Variants in ARSG observed in about 807,000 individuals in gnomAD.
ARSG encodes the protein ASG.
ARSG carries 37 observed loss-of-function variants against 50.5 expected under a neutral mutation model. The ratio of observed to expected loss-of-function variants is 0.73; its 90% CI spans 0.56 to 0.96. The LOEUF is 0.96. ARSG is among the 50% of genes least tolerant of loss of function. The pLI, the probability that ARSG is intolerant of heterozygous loss-of-function variation, is 0.00. For synonymous variants in ARSG, 225 were observed against 254.6 expected (o/e 0.88, Z 1.11); for missense variants, 629 against 675.3 (o/e 0.93, Z 0.76).
chr17:68,372,553 C>T (rs1174060877), intron 8 of ARSG, among the ~76,000 whole-genome samples: 1 of 152,162 alleles, frequency 6.6e-6, no homozygotes, highest in East Asian at 1.9e-4. Context: ...CACTTTTAAA[C>T]AGCCAAGGCT....
chr17:68,375,589 G>A (rs547811954), intron 8 of ARSG, among the ~76,000 whole-genome samples: 29 of 152,192 alleles, frequency 1.9e-4, no homozygotes, highest in Non-Finnish European at 3.5e-4. Flanking sequence ...CAATTCCTTG[G>A]TCACACCAGC....
At chr17:68,259,409 C>T (rs1555744830) in exon 1 of ARSG, 1 of 152,182 alleles carries the variant, frequency 6.6e-6, no homozygotes, top group African/African-American at 2.4e-5. Context: ...AAGTCAGGAC[C>T]GCGACGGCAG....
chr17:68,337,139 G>A, intron 2 of ARSG, among the ~76,000 whole-genome samples: 1 of 152,174 alleles, frequency 6.6e-6, no homozygotes, highest in East Asian at 1.9e-4. Context: ...GGATGGTGGT[G>A]GCACTGCTCC....
chr17:68,377,696 C>T (rs914399054), intron 8 of ARSG, among the ~76,000 whole-genome samples: 4 of 152,188 alleles, frequency 2.6e-5, no homozygotes, highest in Non-Finnish European at 4.4e-5. Flanking sequence ...AGGGGATTGG[C>T]AAACACCCTG....
At chr17:68,303,642 G>A (rs1436976620) in intron 1 of ARSG, among the ~76,000 whole-genome samples, 1 of 152,012 alleles carries the variant, frequency 6.6e-6, no homozygotes, top group African/African-American at 2.4e-5. Context: ...TAGAGATGGG[G>A]CTTCACCATG....
chr17:68,388,452 T>C (rs1952874575), intron 9 of ARSG, among the ~76,000 whole-genome samples: 1 of 152,128 alleles, frequency 6.6e-6, no homozygotes, highest in South Asian at 2.1e-4. Flanking sequence ...TCACTCTGGC[T>C]GAGAACTACG....
At chr17:68,330,976 T>C (rs1206909358) in intron 2 of ARSG, among the ~76,000 whole-genome samples, 1 of 14,634 alleles carries the variant, frequency 6.8e-5, no homozygotes, top group Admixed American at 4.1e-4. Flanking sequence ...TCTTTTTTTT[T>C]GCGGGGGGGG....
intron 4 of ARSG, among the ~76,000 whole-genome samples, chr17:68,350,065 C>T (rs1003182603): frequency 3.3e-5 from 5 of 152,060 alleles, no homozygotes; most frequent in Non-Finnish European, 5.9e-5. Flanking sequence ...CTGTGGCAGG[C>T]GGGATGCAGT....
chr17:68,401,888 ACTAT>A (rs1021546962), intron 11 of ARSG, among the ~76,000 whole-genome samples: 24 of 152,160 alleles, frequency 1.6e-4, no homozygotes, highest in African/African-American at 5.3e-4. Context: ...GTTCACTGTG[ACTAT>A]CTGTCTCTTA....
At chr17:68,388,944 A>C (rs200420566) in intron 9 of ARSG, among the ~76,000 whole-genome samples, 1 of 146,148 alleles carries the variant, frequency 6.8e-6, no homozygotes, top group African/African-American at 2.7e-5. Context: ...AAAAAAAAAA[A>C]AGAAAAACAG....
intron 11 of ARSG, among the ~76,000 whole-genome samples, chr17:68,404,282 A>G (rs888437985): frequency 2.0e-5 from 3 of 152,250 alleles, no homozygotes; most frequent in Non-Finnish European, 4.4e-5. Context: ...AGGAATCGCC[A>G]CACTGTCTTC....
At position 68,379,421 on chromosome 17, in the gene ARSG, AT is replaced by A. The variant is rs375841879; in HGVS notation, c.983-5614del. Among the ~76,000 whole-genome samples the A allele has an allele frequency of 4.5e-3, 328 of 72,240 alleles. 1 individual carries two copies. Among genetic ancestry groups the A allele is most frequent in the African/African-American group, 0.017 (265 of 15,812 alleles). 47.4% of individuals were successfully genotyped at this position (72,240 alleles called of 152,430 possible). On this transcript the variant is annotated intron_variant, in intron 8 of 11. Transcript: ENST00000621439. ...GTGCCACCATGCCTGGAACACTACAATTTTTTTTTTTTTTTTTTTTTTTTTT... is the reference window on the plus strand; with the variant it reads ...GTGCCACCATGCCTGGAACACTACAATTTTTTTTTTTTTTTTTTTTTTTTT...
chr17:68,414,110 C>G (rs555765796), intron 11 of ARSG: 4 of 157,948 alleles, frequency 2.5e-5, no homozygotes, highest in Non-Finnish European at 5.5e-5. Context: ...TAGACCGGAG[C>G]TGTTCCTATT....
Position 68,397,491 on chromosome 17 carries a change from C to T in ARSG, c.1212+2298C>T, listed in dbSNP as rs940221089. Among the ~76,000 whole-genome samples the T allele has an allele frequency of 1.1e-4, 16 of 152,042 alleles. 1 individual carries two copies. Among genetic ancestry groups the T allele is most frequent in the African/African-American group, 3.4e-4 (14 of 41,370 alleles). On this transcript the variant is annotated intron_variant, in intron 10 of 11. Coordinates refer to ENST00000621439, the MANE Select transcript of ARSG (RefSeq NM_001267727.2). ...GAGGACAACATGGGTAGTTGCTGGACCTGAATTTGGGTTTGGTCTTCTCTA... is the reference window on the plus strand; with the variant it reads ...GAGGACAACATGGGTAGTTGCTGGATCTGAATTTGGGTTTGGTCTTCTCTA...
Position 68,420,175 on chromosome 17 carries a change from C to A in ARSG, c.1304-14C>A. 1 of 1,612,548 alleles carries A rather than the reference C, an allele frequency of 6.2e-7. No homozygotes were observed. The highest frequency in any genetic ancestry group is 1.1e-5 in the South Asian group (1 of 90,978). Reference sequence around the variant, plus strand: ...TCAGGGTTAGCGAGGCATTTGTTGTCATTCCCTCTCTAGGTGGAGCCAGGG... The same window carrying A: ...TCAGGGTTAGCGAGGCATTTGTTGTAATTCCCTCTCTAGGTGGAGCCAGGG... On this transcript the variant is annotated splice_polypyrimidine_tract_variant and intron_variant, in intron 11 of 11. Coordinates refer to ENST00000621439, the MANE Select transcript of ARSG (RefSeq NM_001267727.2).
At chr17:68,313,771 C>T (rs574491620) in intron 2 of ARSG, among the ~76,000 whole-genome samples, 11 of 151,544 alleles carry the variant, frequency 7.3e-5, no homozygotes, top group African/African-American at 2.2e-4. Flanking sequence ...CCTCCGCCTC[C>T]GGGTTCAAGC....
intron 8 of ARSG, among the ~76,000 whole-genome samples, chr17:68,382,262 G>C (rs1349200304): frequency 2.0e-5 from 3 of 152,068 alleles, no homozygotes; most frequent in Non-Finnish European, 4.4e-5. Context: ...TCATTTTCTA[G>C]CTATGTGACT....
rs180755187 is a variant in ARSG, at chr17:68,353,301, C to T, written c.566+1615C>T. 7.2e-5 allele frequency among the ~76,000 whole-genome samples: 11 copies of T among 152,230 alleles called. No homozygotes were observed. In the East Asian group the frequency reaches 2.1e-3, roughly 30 times the overall value. On this transcript the variant is annotated intron_variant, in intron 5 of 11. Transcript: ENST00000621439. ...TAGGAATGGAGATTCCAATCCAGGT[C>T]TCTCTGAGTCCAGAGCCCATATGCC... is the stretch of plus-strand genomic sequence containing the variant.
chr17:68,362,795 T>A (rs995305046), intron 6 of ARSG, among the ~76,000 whole-genome samples: 1 of 152,196 alleles, frequency 6.6e-6, no homozygotes, highest in African/African-American at 2.4e-5. Context: ...ACTAACTTTT[T>A]AAATAATCAT....
Sources: gnomAD v4.1 joint callset for allele counts (sites outside exome capture counted in the v4.1 genomes callset) on GRCh38, gnomAD v4.1.1 for gene constraint, MANE v1.5 for transcripts, NCBI Gene and HGNC (gene_info 2026-07-23, HGNC 2026-07-21) for gene names.